CCSER2: variants seen among roughly 807,000 people sequenced by gnomAD.
CCSER2 encodes coiled-coil serine rich protein 2, also known as serine-rich coiled-coil domain-containing protein 2.
A neutral mutation model predicts 92.3 loss-of-function variants in CCSER2; 46 were observed. The observed-to-expected ratio is 0.50, with a 90% confidence interval of 0.39 to 0.64. The LOEUF is 0.64. CCSER2 is among the 30% of genes least tolerant of loss of function. The pLI is 0.00. For missense variants in CCSER2, 1,244 were observed against 1,238.9 expected, an observed-to-expected ratio of 1.00 and a Z score of -0.06; for synonymous variants, 433 against 431.4, an observed-to-expected ratio of 1.00 and a Z score of -0.04.
chr10:84,497,827 AAT>A (rs1398921000), intron 9 of CCSER2, among the ~76,000 whole-genome samples: 1 of 152,194 alleles, frequency 6.6e-6, no homozygotes, highest in East Asian at 1.9e-4. Flanking sequence ...ATGCCATATA[AAT>A]AGAGTTACAA....
In CCSER2 at chr10:84,477,578, A is replaced by G. The variant is rs1239606492; in HGVS notation, c.2239A>G (p.Thr747Ala). 3 of 1,603,786 alleles carry G rather than the reference A, an allele frequency of 1.9e-6. No individual in the cohort carries two copies. Among genetic ancestry groups the G allele is most frequent in the African/African-American group, 1.3e-5 (1 of 74,670 alleles). ...KIQLLELQLA[T>A]QHICHQKCKE... ...AAAATTTTGTGTTTTTGTTTAGGCA[A>G]CTCAGCATATCTGCCACCAAAAATG... Residue 747 changes from threonine to alanine, a missense_variant, in exon 9 of 10, where the codon ACT becomes GCT. Transcript: ENST00000372088.
At chr10:84,500,722 TAATGAA>T (rs1232307197) in intron 9 of CCSER2, among the ~76,000 whole-genome samples, 1 of 152,330 alleles carries the variant, frequency 6.6e-6, no homozygotes, top group East Asian at 1.9e-4. Context: ...AAGCTATTAT[TAATGAA>T]AATGAAGTGT....
intron 9 of CCSER2, among the ~76,000 whole-genome samples, chr10:84,488,861 C>G (rs866591800): frequency 2.8e-4 from 43 of 152,232 alleles, no homozygotes; most frequent in African/African-American, 9.9e-4. Flanking sequence ...TTCCTGCTTT[C>G]TCTTGTGGGC....
At chr10:84,457,606 TTA>T (rs1417889428) in intron 6 of CCSER2, among the ~76,000 whole-genome samples, 1 of 86,946 alleles carries the variant, frequency 1.2e-5, no homozygotes, top group Non-Finnish European at 2.2e-5. Flanking sequence ...TATTTATATA[TTA>T]TATATAATTA....
At position 84,371,093 on chromosome 10, in the gene CCSER2, A is replaced by G. The variant is rs780950308; in HGVS notation, c.41A>G (p.Lys14Arg). Residue 14 changes from lysine (K) to arginine (R), a missense_variant, in exon 2 of 10, where the codon AAG becomes AGG. Transcript: ENST00000372088. ...CAAATCAAGACATTTTTGGGTTCCA[A>G]GTTGCCAAAGTATGGAACAAAATCT... ...KTQIKTFLGS[K>R]LPKYGTKSVR... 8.1e-6 allele frequency: 13 copies of G among 1,601,578 alleles called. No individual in the cohort carries two copies. The highest frequency in any genetic ancestry group is 4.0e-5 in the African/African-American group (3 of 74,166).
rs570283988 is a variant in CCSER2 at position 84,406,897 on chromosome 10, AT to A, written c.1615-10865del. Among the ~76,000 whole-genome samples, 670 of 151,760 alleles carry A rather than the reference AT, an allele frequency of 4.4e-3. 4 individuals carry two copies. The highest frequency in any genetic ancestry group is 0.015 in the African/African-American group (621 of 41,380). ...GGTGAAGAAAAGTTAGAGTAAGTTAATTTTTTTTTCTCCTATTACCTGAACC... is the reference window on the plus strand; with the variant it reads ...GGTGAAGAAAAGTTAGAGTAAGTTAATTTTTTTTCTCCTATTACCTGAACC... On this transcript the variant is annotated intron_variant, in intron 3 of 9. Transcript: ENST00000372088.
intron 7 of CCSER2, among the ~76,000 whole-genome samples, chr10:84,465,761 T>C (rs1178457330): frequency 7.2e-5 from 11 of 152,156 alleles, no homozygotes; most frequent in Non-Finnish European, 1.5e-5. Flanking sequence ...GCTTTTTTTT[T>C]CTTTTTTGAG....
At chr10:84,465,144 C>T (rs1395514012) in intron 7 of CCSER2, among the ~76,000 whole-genome samples, 2 of 149,866 alleles carry the variant, frequency 1.3e-5, no homozygotes, top group Non-Finnish European at 3.0e-5. Context: ...GAACCATTGA[C>T]TTAGGTAATC....
intron 5 of CCSER2, among the ~76,000 whole-genome samples, chr10:84,431,072 A>G (rs899674963): frequency 6.6e-6 from 1 of 152,212 alleles, no homozygotes; most frequent in African/African-American, 2.4e-5. Flanking sequence ...TATGATTAAC[A>G]TCTTGCATGA....
chr10:84,366,739 T>G (rs1845795302), intron 1 of CCSER2, among the ~76,000 whole-genome samples: 1 of 152,230 alleles, frequency 6.6e-6, no homozygotes, highest in Non-Finnish European at 1.5e-5. Flanking sequence ...GCTTGCTCCC[T>G]GTACAATGAG....
At chr10:84,360,141 A>G (rs1845419289) in intron 1 of CCSER2, among the ~76,000 whole-genome samples, 2 of 152,172 alleles carry the variant, frequency 1.3e-5, no homozygotes, top group Non-Finnish European at 2.9e-5. Context: ...TGGAAGTTTT[A>G]TATGGATGTT....
chr10:84,368,344 G>GT (rs1845891127), intron 1 of CCSER2, among the ~76,000 whole-genome samples: 2 of 151,596 alleles, frequency 1.3e-5, no homozygotes, highest in African/African-American at 2.4e-5. Context: ...AGTTTAAATA[G>GT]TTTTTTGTAT....
intron 1 of CCSER2, among the ~76,000 whole-genome samples, chr10:84,353,101 A>G (rs1232576531): frequency 1.3e-5 from 2 of 152,138 alleles, no homozygotes; most frequent in South Asian, 2.1e-4. Flanking sequence ...CTAAGATACA[A>G]TTCTTATAAG....
At chr10:84,338,297 A>C (rs528082674) in intron 1 of CCSER2, among the ~76,000 whole-genome samples, 1,301 of 41,518 alleles carry the variant, frequency 0.031, 9 homozygotes, top group African/African-American at 0.082. Flanking sequence ...AACTTAAAAA[A>C]AAAAAAAACA....
chr10:84,498,684 GA>G (rs1006335708), intron 9 of CCSER2, among the ~76,000 whole-genome samples: 5 of 152,106 alleles, frequency 3.3e-5, no homozygotes, highest in Non-Finnish European at 5.9e-5. Context: ...TAATTGGTCT[GA>G]AAAAATATAC....
intron 3 of CCSER2, among the ~76,000 whole-genome samples, chr10:84,381,297 G>A (rs1431320457): frequency 6.6e-6 from 1 of 152,152 alleles, no homozygotes; most frequent in African/African-American, 2.4e-5. Context: ...GTTGGTATTA[G>A]GCACAATAAT....
At chr10:84,444,350 G>A (rs1232220868) in intron 6 of CCSER2, among the ~76,000 whole-genome samples, 1 of 152,062 alleles carries the variant, frequency 6.6e-6, no homozygotes, top group East Asian at 1.9e-4. Context: ...CAGAGGGAGT[G>A]ACTTAAGTCA....
chr10:84,370,486 C>T (rs767872413), intron 1 of CCSER2, among the ~76,000 whole-genome samples: 40 of 152,032 alleles, frequency 2.6e-4, no homozygotes, highest in Admixed American at 7.2e-4. Flanking sequence ...TGTGACTTTA[C>T]TGGATTTATC....
intron 3 of CCSER2, among the ~76,000 whole-genome samples, chr10:84,375,343 C>T (rs1846269221): frequency 6.6e-6 from 1 of 152,098 alleles, no homozygotes; most frequent in South Asian, 2.1e-4. Flanking sequence ...GATGGTGTTT[C>T]TGTCTTTCTC....
Sources: allele counts gnomAD v4.1 joint callset (sites outside exome capture counted in the v4.1 genomes callset), GRCh38; gene constraint gnomAD v4.1.1; transcripts MANE v1.5; gene names NCBI Gene and HGNC (gene_info 2026-07-23, HGNC 2026-07-21).